The following NOTCH3 variants were observed in gnomAD, a reference collection of about 807,000 sequenced individuals.
NOTCH3 encodes the protein notch receptor 3.
A neutral mutation model predicts 213.3 loss-of-function variants in NOTCH3; 86 were observed. That is an observed-to-expected ratio of 0.40 (90% confidence interval 0.34 to 0.48). The LOEUF (loss-of-function observed/expected upper bound fraction) is 0.48, where lower values mean the gene tolerates loss of function less well. Among genes scored for constraint, NOTCH3 ranks in the 20% least tolerant of loss-of-function variants. The probability of loss-of-function intolerance (pLI) is 0.57; values close to 1 mark genes in which losing one functional copy is unlikely to be tolerated. For synonymous variants in NOTCH3, 1,354 were observed against 1,355.9 expected, an observed-to-expected ratio of 1.00 and a Z score of 0.03; for missense variants, 2,783 against 3,272.6, an observed-to-expected ratio of 0.85 and a Z score of 3.65.
rs2046804986 is a variant in NOTCH3 at position 15,177,862 on chromosome 19, C to A, written c.4066G>T (p.Ala1356Ser). ...HGGSCRPAPL[A>S]PFFRCACAQG... Reference sequence around the variant, plus strand: ...GCGCAAGCGCAGCGGAAGAAGGGCGCGAGCGGCGCGGGGCGGCAGGAGCCC... The same window carrying A: ...GCGCAAGCGCAGCGGAAGAAGGGCGAGAGCGGCGCGGGGCGGCAGGAGCCC... The change falls in exon 24 of 33, where the codon GCG becomes TCG. Residue 1356 changes from alanine (A) to serine (S), a missense_variant. Ala to Ser is a moderately conservative substitution (Grantham distance 99). Transcript: ENST00000263388. The A allele has an allele frequency of 4.1e-6, 5 of 1,222,960 alleles. No individual in the cohort carries two copies. The highest frequency in any genetic ancestry group is 5.1e-6 in the Non-Finnish European group (5 of 983,834). 75.8% of individuals were successfully genotyped at this position (1,222,960 alleles called of 1,614,324 possible).
chr19:15,199,653 TGTTAC>T (rs1370848847), intron 1 of NOTCH3, among the ~76,000 whole-genome samples: 6 of 152,222 alleles, frequency 3.9e-5, no homozygotes, highest in African/African-American at 1.4e-4. Context: ...TTTGCATCTC[TGTTAC>T]GTGACCTAGA....
intron 28 of NOTCH3, among the ~76,000 whole-genome samples, chr19:15,169,527 G>A (rs1311453558): frequency 2.0e-5 from 3 of 151,928 alleles, no homozygotes; most frequent in African/African-American, 2.4e-5. Context: ...CCGCCACCAT[G>A]CCCAGCTAAT....
In NOTCH3 at chr19:15,161,413, A is replaced by G; in HGVS notation, c.6215T>C (p.Leu2072Pro). Residue 2072 changes from leucine (L) to proline (P), a missense_variant, in exon 33 of 33, where the codon CTG becomes CCG. Leu to Pro is a moderately conservative substitution (Grantham distance 98, BLOSUM62 -3). Transcript: ENST00000263388. ...KSRRPPGKAGLGPQGPRGRGK... is the reference protein window; with the variant it reads ...KSRRPPGKAGPGPQGPRGRGK... ...CCGCCCCCGGGGCCCCTGCGGCCCC[A>G]GCCCCGCCTTCCCGGGGGGCCTCCT... 6.5e-7 allele frequency: 1 copy of G among 1,527,836 alleles called. No individual in the cohort carries two copies. The highest frequency in any genetic ancestry group is 1.2e-5 in the South Asian group (1 of 82,258). 94.6% of individuals were successfully genotyped at this position (1,527,836 alleles called of 1,614,324 possible).
At chr19:15,182,462 G>A (rs1599384251) in intron 16 of NOTCH3, among the ~76,000 whole-genome samples, 1 of 150,708 alleles carries the variant, frequency 6.6e-6, no homozygotes, top group Non-Finnish European at 1.5e-5. Context: ...AGTCATGATC[G>A]CACCACTGCA....
At chr19:15,163,273 T>G (rs2046660480) in intron 31 of NOTCH3, among the ~76,000 whole-genome samples, 1 of 152,170 alleles carries the variant, frequency 6.6e-6, no homozygotes, top group Non-Finnish European at 1.5e-5. Flanking sequence ...GAAAGAATGG[T>G]CTTCTCAACT....
intron 12 of NOTCH3, 41 bp downstream of exon 12, chr19:15,186,837 C>T: frequency 6.6e-7 from 1 of 1,519,990 alleles, no homozygotes; most frequent in South Asian, 1.1e-5. Context: ...TGACTTCACC[C>T]TCGATCTAAG....
At position 15,189,059 on chromosome 19, in the gene NOTCH3, C is replaced by A. The variant is rs767459278; in HGVS notation, c.1308G>T (p.Leu436=). 13 of 1,613,188 alleles carry A rather than the reference C, an allele frequency of 8.1e-6. No homozygotes were observed. The highest frequency in any genetic ancestry group is 1.1e-5 in the Non-Finnish European group (13 of 1,180,036). ...PRCETDVNEC[L]SGPCRNQATC... ...TGGCCTGGTTTCGGCAGGGCCCCGA[C>A]AGACACTCGTTGACATCGGTCTCAC... The change falls in exon 8 of 33, where the codon CTG becomes CTT. Residue 436 remains leucine (L), a synonymous_variant. Coordinates refer to ENST00000263388, the MANE Select transcript of NOTCH3 (RefSeq NM_000435.3).
intron 18 of NOTCH3, 38 bp from the exon 19 acceptor site, chr19:15,180,866 G>A: frequency 6.2e-7 from 1 of 1,609,816 alleles, no homozygotes; most frequent in Non-Finnish European, 8.5e-7. Context: ...CTGTGGGGTG[G>A]GGGGTAGTCT....
At chr19:15,181,877 T>C (rs2046845103) in intron 16 of NOTCH3, 76 bp from the exon 17 acceptor site, 10 of 1,277,932 alleles carry the variant, frequency 7.8e-6, no homozygotes, top group Non-Finnish European at 1.1e-5. Context: ...ATGCCTTGGA[T>C]TGAGAAGAAT....
At position 15,185,549 on chromosome 19, in the gene NOTCH3, G is replaced by A. The variant is rs751758366; in HGVS notation, c.2082C>T (p.Pro694=). 6.2e-7 allele frequency: 1 copy of A among 1,613,758 alleles called. No individual in the cohort carries two copies. Among genetic ancestry groups the A allele is most frequent in the East Asian group, 2.2e-5 (1 of 44,872 alleles). The stretch of plus-strand genomic sequence containing the variant: ...GCTCATGGGCACAGGGATGGCTCGG[G>A]GGGAGGCAGAGTGGGGGCAAGGAGC... ...PPGSLPPLCL[P]PSHPCAHEPC... The change falls in exon 13 of 33, where the codon CCC becomes CCT. Residue 694 remains proline, a synonymous_variant. Coordinates refer to ENST00000263388, the MANE Select transcript of NOTCH3 (RefSeq NM_000435.3). The surrounding 1 kb of genome is among the most constrained non-coding windows in gnomAD (Gnocchi z 4.2).
At chr19:15,198,780 G>A (rs367547376) in intron 1 of NOTCH3, among the ~76,000 whole-genome samples, 33 of 151,522 alleles carry the variant, frequency 2.2e-4, no homozygotes, top group East Asian at 1.6e-3. Context: ...GTGTGGTGGC[G>A]CACGCCTGTA....
At chr19:15,197,443 C>CCCCCCCCCCCCCCCCCCCA in intron 2 of NOTCH3, 57 bp downstream of exon 2, 1 of 585,084 alleles carries the variant, frequency 1.7e-6, no homozygotes, top group Non-Finnish European at 3.3e-6. Flanking sequence ...GACAAATCGC[C>CCCCCCCCCCCCCCCCCCCA]CCTCCCCCCC....
chr19:15,172,220 C>T (rs987030837), intron 25 of NOTCH3, among the ~76,000 whole-genome samples: 2 of 152,106 alleles, frequency 1.3e-5, no homozygotes, highest in African/African-American at 2.4e-5. Context: ...GAGCTAATTC[C>T]ATTCATCCAA....
In NOTCH3 at chr19:15,190,724, T is replaced by C. The variant is rs2046920254; in HGVS notation, c.1036+700A>G. Among the ~76,000 whole-genome samples, 5 of 152,348 alleles carry C rather than the reference T, an allele frequency of 3.3e-5. 1 individual carries two copies. The South Asian group carries it at 8.3e-4, about 25-fold the overall frequency. On this transcript the variant is annotated intron_variant, in intron 6 of 32. Coordinates refer to ENST00000263388, the MANE Select transcript of NOTCH3 (RefSeq NM_000435.3). ...CCTTAGCATCCAGAGTAGCTGGGACTACAGGCATGCGCTACCATGCCCAGC... is the reference window on the plus strand; with the variant it reads ...CCTTAGCATCCAGAGTAGCTGGGACCACAGGCATGCGCTACCATGCCCAGC...
chr19:15,162,373 T>C (rs775407733), intron 32 of NOTCH3, 92 bp downstream of exon 32: 4 of 916,732 alleles, frequency 4.4e-6, no homozygotes, highest in Non-Finnish European at 7.1e-6. Flanking sequence ...TTTTGTTTTG[T>C]TTTTTGAGAG....
intron 12 of NOTCH3, 87 bp downstream of exon 12, chr19:15,186,791 G>T: frequency 1.9e-6 from 2 of 1,064,948 alleles, no homozygotes; most frequent in African/African-American, 1.6e-5. Context: ...ACAAGAGTCT[G>T]CAAAGATACG....
At position 15,185,758 on chromosome 19, in the gene NOTCH3, G is replaced by T; in HGVS notation, c.1952-79C>A. The T allele has an allele frequency of 7.3e-7, 1 of 1,377,654 alleles. No homozygotes were observed. Among genetic ancestry groups the T allele is most frequent in the African/African-American group, 1.4e-5 (1 of 70,524 alleles). 85.3% of individuals were successfully genotyped at this position (1,377,654 alleles called of 1,614,324 possible). A position where few individuals can be genotyped will look rare whatever the true frequency, so the allele number is the denominator to read the frequency against. ...GGGAGGGACGACGTGACCCCACTTA[G>T]CACACCCACACCCCCGAGCAATGAC... is the stretch of plus-strand genomic sequence containing the variant. On this transcript the variant is annotated intron_variant, in intron 12 of 32. Transcript: ENST00000263388. The surrounding 1 kb of genome is among the most constrained non-coding windows in gnomAD (Gnocchi z 4.2).
At position 15,185,946 on chromosome 19, in the gene NOTCH3, G is replaced by A. The variant is rs1160374668; in HGVS notation, c.1952-267C>T. On this transcript the variant is annotated intron_variant, in intron 12 of 32. Transcript: ENST00000263388. The surrounding 1 kb of genome is among the most constrained non-coding windows in gnomAD (Gnocchi z 4.2). ...TTTTGAGATGGGGTCTCACTCTGTCGCCCGGGCTGGACTGCAGTGGCATGA... is the reference window on the plus strand; with the variant it reads ...TTTTGAGATGGGGTCTCACTCTGTCACCCGGGCTGGACTGCAGTGGCATGA... 1.3e-5 allele frequency among the ~76,000 whole-genome samples: 2 copies of A among 151,756 alleles called. No individual in the cohort carries two copies. The highest frequency in any genetic ancestry group is 2.4e-5 in the African/African-American group (1 of 41,288).
Position 15,191,568 on chromosome 19 carries a change from G to A in NOTCH3, c.892C>T (p.His298Tyr). 1 of 1,613,650 alleles carries A rather than the reference G, an allele frequency of 6.2e-7. No individual in the cohort carries two copies. The highest frequency in any genetic ancestry group is 1.1e-5 in the South Asian group (1 of 91,078). ...CAGCCATTGACACACACGCAGCTGT[G>A]GCCACCCAGCGTGTTGAAGCAGGTA... Reference protein sequence around the residue: ...GGTCFNTLGGHSCVCVNGWTG... With the variant: ...GGTCFNTLGGYSCVCVNGWTG... The change falls in exon 6 of 33, where the codon CAC (histidine) becomes TAC (tyrosine). Residue 298 changes from histidine (H) to tyrosine (Y), a missense_variant. His to Tyr is a moderately conservative substitution (Grantham distance 83). Coordinates refer to ENST00000263388, the MANE Select transcript of NOTCH3 (RefSeq NM_000435.3).
Sources: allele counts gnomAD v4.1 joint callset (sites outside exome capture counted in the v4.1 genomes callset), GRCh38; gene constraint gnomAD v4.1.1; non-coding constraint Gnocchi (gnomAD v3.1); transcripts MANE v1.5; gene names NCBI Gene and HGNC (gene_info 2026-07-23, HGNC 2026-07-21).